Variants in TTN observed in about 807,000 individuals in gnomAD.
TTN encodes titin.
Under a neutral mutation model 3,223.0 loss-of-function variants are expected in TTN, and 1,525 were observed. The observed-to-expected ratio is 0.47, with a 90% CI of 0.45 to 0.49. TTN has a LOEUF of 0.49. TTN is among the 20% of genes least tolerant of loss of function. The pLI is 0.00. For synonymous variants in TTN, 14,094 were observed against 15,161.0 expected (o/e 0.93, Z 5.17); for missense variants, 40,786 against 43,424.0 (o/e 0.94, Z 5.40).
chr2:178,591,419 T>TATA lies in TTN; in HGVS notation c.60303_60305dup (p.Ile20102dup), dbSNP rs1371837682. Reference sequence around the variant, plus strand: ...TTGCAGTAGGAACAGGCACACCTCTTATAATAGCAGGGAATCTGACTGTGG... The same window carrying TATA: ...TTGCAGTAGGAACAGGCACACCTCTTATAATAATAGCAGGGAATCTGACTGTGG... On this transcript the variant is annotated inframe_insertion, in exon 304 of 363. Coordinates refer to ENST00000589042, the MANE Select transcript of TTN (RefSeq NM_001267550.2). 1.9e-6 allele frequency: 3 copies of TATA among 1,608,822 alleles called. No homozygotes were observed. Among genetic ancestry groups the TATA allele is most frequent in the Non-Finnish European group, 8.5e-7 (1 of 1,177,592 alleles).
rs186402008 is a variant in TTN at position 178,566,269 on chromosome 2, C to T, written c.79863G>A (p.Thr26621=). The T allele has an allele frequency of 7.2e-4, 1,169 of 1,613,684 alleles. 1 individual carries two copies. The highest frequency in any genetic ancestry group is 9.1e-4 in the Non-Finnish European group (1,072 of 1,179,702). ...CCTCTCGAGACCAAGTGATCTCAGG[C>T]GTTGGACGACCTTTGAATGGAATGT... is the stretch of plus-strand genomic sequence containing the variant. The part of the protein sequence containing the change: ...RIHIPFKGRP[T]PEITWSREEG... Residue 26621 remains threonine (T), a synonymous_variant, in exon 326 of 363, where the codon ACG becomes ACA. Coordinates refer to ENST00000589042, the MANE Select transcript of TTN (RefSeq NM_001267550.2).
chr2:178,631,921 G>A (rs1248947152), intron 236 of TTN, among the ~76,000 whole-genome samples: 1 of 151,888 alleles, frequency 6.6e-6, no homozygotes, highest in Non-Finnish European at 1.5e-5. Context: ...ATTTTAAGTT[G>A]GCTTTTAATT....
At chr2:178,746,313 C>A (rs564963420) in intron 47 of TTN, 1 of 1,612,584 alleles carries the variant, frequency 6.2e-7, no homozygotes, top group Admixed American at 1.7e-5. Context: ...TCTTCTCCCT[C>A]CCTTGAATCC....
In TTN at chr2:178,764,809, G is replaced by C; in HGVS notation, c.9706C>G (p.Pro3236Ala). Residue 3236 changes from proline (P) to alanine (A), a missense_variant and splice_region_variant, in exon 42 of 363, where the codon CCT (proline) becomes GCT (alanine). Coordinates refer to ENST00000589042, the MANE Select transcript of TTN (RefSeq NM_001267550.2). The part of the protein sequence containing the change: ...RSSVTLYVNA[P>A]EPPQVLQELQ... Reference sequence around the variant, plus strand: ...TCCTGCAGAACTTGGGGCGGTTCAGGAGCTAGGAGTAAATGTTGACAAATA... The same window carrying C: ...TCCTGCAGAACTTGGGGCGGTTCAGCAGCTAGGAGTAAATGTTGACAAATA... 1 of 1,612,906 alleles carries C rather than the reference G, an allele frequency of 6.2e-7. No individual in the cohort carries two copies.
In TTN at chr2:178,575,856, CA is replaced by C. The variant is rs727504655; in HGVS notation, c.70275del (p.Ser23425ArgfsTer4). The C allele has an allele frequency of 6.2e-7, 1 of 1,613,552 alleles. No individual in the cohort carries two copies. The highest frequency in any genetic ancestry group is 8.5e-7 in the Non-Finnish European group (1 of 1,179,612). On this transcript the variant is annotated frameshift_variant, in exon 326 of 363. Transcript: ENST00000589042. LOFTEE classifies it high-confidence loss of function. This position sits in a 1 kb window ranked among gnomAD's most constrained non-coding sequence, Gnocchi z 4.0. ...TCCAAGACTCTGACGTTCACAAAGC[CA>C]CTTTTCTTCCCAGCCGGGTTTTCAA... The part of the protein sequence containing the change: ...MTIENPAGKK[S>X]GFVNVRVLDT...
At position 178,681,169 on chromosome 2, in the gene TTN, G is replaced by A; in HGVS notation, c.33250C>T (p.Pro11084Ser). The A allele has an allele frequency of 1.3e-6, 2 of 1,597,362 alleles. No individual in the cohort carries two copies. The highest frequency in any genetic ancestry group is 1.4e-5 in the African/African-American group (1 of 73,804). The change falls in exon 138 of 363, where the codon CCT becomes TCT. Residue 11084 changes from proline (P) to serine (S), a missense_variant and splice_region_variant. By Grantham distance (74) the Pro-to-Ser change is moderately conservative. Transcript: ENST00000589042. ...KKLKPPPPKV[P>S]EEPKKVFEEK... ...TCAAAAACTTTCTTTGGTTCTTCAGGCACTTTAAAGATATTAATTATTAAA... is the reference window on the plus strand; with the variant it reads ...TCAAAAACTTTCTTTGGTTCTTCAGACACTTTAAAGATATTAATTATTAAA...
intron 145 of TTN, 41 bp from the exon 146 acceptor site, chr2:178,677,958 TG>T (rs762301096): frequency 1.3e-6 from 2 of 1,567,376 alleles, no homozygotes; most frequent in Non-Finnish European, 1.7e-6. Context: ...ATCACTTTTA[TG>T]TAAAATATTC....
At chr2:178,580,780 T>C in intron 316 of TTN, 171 bp from the exon 317 acceptor site, 1 of 698,690 alleles carries the variant, frequency 1.4e-6, no homozygotes, top group Non-Finnish European at 2.3e-6. Context: ...TACTAATTGT[T>C]GATCTTTCCA....
At position 178,588,534 on chromosome 2, in the gene TTN, C is replaced by T. The variant is rs2049550565; in HGVS notation, c.63187+4G>A. On this transcript the variant is annotated splice_donor_region_variant and intron_variant, in intron 304 of 362. Coordinates refer to ENST00000589042, the MANE Select transcript of TTN (RefSeq NM_001267550.2). The stretch of plus-strand genomic sequence containing the variant: ...TAATATCAGAAAAAACAAGGACATC[C>T]TACCTATGGGGTCTTTTGCCACCAC... 6.6e-7 allele frequency: 1 copy of T among 1,513,782 alleles called. No individual in the cohort carries two copies. Among genetic ancestry groups the T allele is most frequent in the Non-Finnish European group, 8.8e-7 (1 of 1,134,870 alleles). 93.8% of individuals were successfully genotyped at this position (1,513,782 alleles called of 1,614,324 possible). A position where few individuals can be genotyped will look rare whatever the true frequency, so the allele number is the denominator to read the frequency against.
At position 178,538,675 on chromosome 2, in the gene TTN, G is replaced by T; in HGVS notation, c.99154C>A (p.Arg33052Ser). The T allele has an allele frequency of 6.2e-7, 1 of 1,613,654 alleles. No homozygotes were observed. The highest frequency in any genetic ancestry group is 8.5e-7 in the Non-Finnish European group (1 of 1,179,734). Residue 33052 changes from arginine (R) to serine (S), a missense_variant, in exon 354 of 363, where the codon CGT (arginine) becomes AGT (serine). By Grantham distance (110) the Arg-to-Ser change is moderately radical (BLOSUM62 -1). Transcript: ENST00000589042. ...ATTGTGAATTGCTTGTCCTTAATAC[G>T]TTCCTTATTGCTCTTCTTCCAGGCA... ...DSAWKKSNKE[R>S]IKDKQFTIGG...
chr2:178,675,123 C>T lies in TTN; in HGVS notation c.34538-10G>A. 1 of 1,544,246 alleles carries T rather than the reference C, an allele frequency of 6.5e-7. No individual in the cohort carries two copies. Among genetic ancestry groups the T allele is most frequent in the Non-Finnish European group, 8.7e-7 (1 of 1,149,460 alleles). ...TTAGGCACCTCAGGAACTTGAGAGA[C>T]ATTGATTATTTTAGACACTTAAAAT... On this transcript the variant is annotated splice_polypyrimidine_tract_variant and intron_variant, in intron 149 of 362. Transcript: ENST00000589042.
chr2:178,677,524 T>A, intron 146 of TTN, 97 bp downstream of exon 146: 1 of 1,295,696 alleles, frequency 7.7e-7, no homozygotes, highest in South Asian at 1.6e-5. Context: ...TCACAGAGGG[T>A]AAAGGATTAT....
At chr2:178,784,393 C>A (rs763004818) in intron 15 of TTN, 42 bp from the exon 16 acceptor site, 1 of 1,608,790 alleles carries the variant, frequency 6.2e-7, no homozygotes, top group African/African-American at 1.3e-5. Flanking sequence ...ATTTAACCAT[C>A]CTCCGATGGC....
rs185952718 is a variant in TTN at position 178,649,463 on chromosome 2, T to C, written c.39973+91A>G. ...AAAATAAGGAAATTTTTGTCCTTAG[T>C]TATGCAACAACAATGAGGACAACTT... On this transcript the variant is annotated intron_variant, in intron 212 of 362. Transcript: ENST00000589042. The C allele has an allele frequency of 4.9e-4, 692 of 1,407,860 alleles. 3 individuals are homozygous for C. The highest frequency in any genetic ancestry group is 3.8e-5 in the Non-Finnish European group (40 of 1,048,602). The allele number at this position is 1,407,860 out of a possible 1,614,324, so 87.2% of individuals were successfully genotyped here.
chr2:178,761,787 T>A (rs1395527082), intron 43 of TTN, among the ~76,000 whole-genome samples: 1 of 152,172 alleles, frequency 6.6e-6, no homozygotes, highest in Non-Finnish European at 1.5e-5. Flanking sequence ...AATGGTAGAA[T>A]TAAAATTGCA....
chr2:178,773,430 A>G, intron 32 of TTN, 32 bp downstream of exon 32: 2 of 1,614,000 alleles, frequency 1.2e-6, no homozygotes, highest in Non-Finnish European at 8.5e-7. Context: ...GAATGCTTAA[A>G]GTAATTATTA....
rs1690988435 is a variant in TTN at position 178,535,426 on chromosome 2, G to A, written c.101189C>T (p.Ala33730Val). Residue 33730 changes from alanine (A) to valine (V), a missense_variant, in exon 358 of 363, where the codon GCA becomes GTA. By Grantham distance (64) the Ala-to-Val change is moderately conservative. Transcript: ENST00000589042. ...ACGGAGCCATCTTTCTGCAGTAGTT[G>A]CACATTTTTCAACAATGTAGTTGGT... The part of the protein sequence containing the change: ...KITNYIVEKC[A>V]TTAERWLRVG... 2 of 1,613,716 alleles carry A rather than the reference G, an allele frequency of 1.2e-6. No individual in the cohort carries two copies. Among genetic ancestry groups the A allele is most frequent in the South Asian group, 2.2e-5 (2 of 91,080 alleles).
At chr2:178,806,358 C>A (rs2094320119) in intron 1 of TTN, among the ~76,000 whole-genome samples, 1 of 152,106 alleles carries the variant, frequency 6.6e-6, no homozygotes, top group African/African-American at 2.4e-5. Context: ...CAGGCATTGA[C>A]AATTAGTAAT....
Position 178,579,930 on chromosome 2 carries a change from T to C in TTN, c.67348+9A>G. On this transcript the variant is annotated intron_variant, in intron 318 of 362. Coordinates refer to ENST00000589042, the MANE Select transcript of TTN (RefSeq NM_001267550.2). ...CTCAAAATGATGGGATGATGGTTCA[T>C]TTGCTTACGGGAAGCTTTGACAGCA... 1 of 1,612,984 alleles carries C rather than the reference T, an allele frequency of 6.2e-7. No individual in the cohort carries two copies. Among genetic ancestry groups the C allele is most frequent in the Non-Finnish European group, 8.5e-7 (1 of 1,179,436 alleles).
Sources: allele counts gnomAD v4.1 joint callset (sites outside exome capture counted in the v4.1 genomes callset), GRCh38; gene constraint gnomAD v4.1.1; non-coding constraint Gnocchi (gnomAD v3.1); transcripts MANE v1.5; gene names NCBI Gene and HGNC (gene_info 2026-07-23, HGNC 2026-07-21).